The following CSMD1 variants were observed in gnomAD, a reference collection of about 807,000 sequenced individuals.
CSMD1 encodes CUB and Sushi multiple domains 1, also known as CUB and sushi domain-containing protein 1.
CSMD1 carries 213 observed loss-of-function variants against 417.5 expected under a neutral mutation model. The observed-to-expected ratio is 0.51, with a 90% CI of 0.46 to 0.57. CSMD1 has a LOEUF of 0.57. Ranked by LOEUF, CSMD1 falls within the 20% of genes least tolerant of loss-of-function variation. The probability of loss-of-function intolerance (pLI) is 0.00; values close to 1 mark genes in which losing one functional copy is unlikely to be tolerated. For missense variants in CSMD1, 6,923 were observed against 4,529.7 expected (o/e 1.53, Z -15.17); for synonymous variants, 2,862 against 1,736.8 (o/e 1.65, Z -16.11).
chr8:3,136,410 G>A (rs543581175), intron 41 of CSMD1, among the ~76,000 whole-genome samples: 11 of 151,810 alleles, frequency 7.2e-5, no homozygotes, highest in Non-Finnish European at 7.4e-5. Flanking sequence ...GATCACAGGC[G>A]CTCCCCACCA....
chr8:4,914,679 G>T (rs967992372), intron 1 of CSMD1, among the ~76,000 whole-genome samples: 3 of 151,846 alleles, frequency 2.0e-5, no homozygotes, highest in East Asian at 1.9e-4. Context: ...ACACTAATCC[G>T]TGAAAATGAA....
At chr8:4,692,807 T>C (rs889277510) in intron 1 of CSMD1, among the ~76,000 whole-genome samples, 8 of 152,330 alleles carry the variant, frequency 5.3e-5, no homozygotes, top group Admixed American at 5.2e-4. Context: ...ATTCTCAAAT[T>C]TTTAAATTTC....
rs572688244 is a variant in CSMD1 at position 4,631,618 on chromosome 8, C to A, written c.302+5724G>T. The stretch of plus-strand genomic sequence containing the variant: ...AGGTAGGTTTTGTCATGGTGTGTAA[C>A]CTAACTATCCACAATAAAACTGTTT... On this transcript the variant is annotated intron_variant, in intron 2 of 69. Transcript: ENST00000635120. Among the ~76,000 whole-genome samples the A allele has an allele frequency of 7.4e-4, 113 of 152,062 alleles. 1 individual carries two copies. Among genetic ancestry groups the A allele is most frequent in the Non-Finnish European group, 1.4e-3 (96 of 67,960 alleles).
intron 3 of CSMD1, among the ~76,000 whole-genome samples, chr8:4,279,209 C>T (rs1796648374): frequency 6.6e-6 from 1 of 151,946 alleles, no homozygotes; most frequent in South Asian, 2.1e-4. Context: ...TACACACTAA[C>T]ACACACACAC....
intron 1 of CSMD1, among the ~76,000 whole-genome samples, chr8:4,890,111 A>G (rs1420745936): frequency 2.0e-5 from 3 of 152,174 alleles, no homozygotes; most frequent in African/African-American, 7.2e-5. Context: ...AAAGAAAACT[A>G]TTTTATGATG....
intron 54 of CSMD1, among the ~76,000 whole-genome samples, chr8:2,985,535 A>G (rs115573793): frequency 2.0e-5 from 3 of 152,218 alleles, no homozygotes; most frequent in African/African-American, 7.2e-5. Flanking sequence ...TAAATTACAC[A>G]ATGCATAGGC....
At chr8:3,299,520 G>A (rs925765498) in intron 25 of CSMD1, among the ~76,000 whole-genome samples, 1 of 151,940 alleles carries the variant, frequency 6.6e-6, no homozygotes, top group Admixed American at 6.6e-5. Flanking sequence ...AGGCACGTGA[G>A]GAAAAGCACA....
At chr8:4,336,992 G>C (rs908166114) in intron 3 of CSMD1, among the ~76,000 whole-genome samples, 1 of 152,018 alleles carries the variant, frequency 6.6e-6, no homozygotes, top group Non-Finnish European at 1.5e-5. Flanking sequence ...TTTCTTCCCA[G>C]AATGGCTGAC....
intron 1 of CSMD1, among the ~76,000 whole-genome samples, chr8:4,829,384 G>A (rs1435086473): frequency 3.3e-5 from 5 of 152,086 alleles, no homozygotes; most frequent in Non-Finnish European, 7.4e-5. Flanking sequence ...AGCTAAAAAC[G>A]TAGAGATACA....
At chr8:3,877,460 C>T (rs899760585) in intron 5 of CSMD1, among the ~76,000 whole-genome samples, 1 of 152,100 alleles carries the variant, frequency 6.6e-6, no homozygotes. Context: ...TCTAGCAGGC[C>T]CTACAGCTCT....
intron 2 of CSMD1, among the ~76,000 whole-genome samples, chr8:4,590,188 G>C (rs1262328730): frequency 6.6e-6 from 1 of 151,270 alleles, no homozygotes; most frequent in Non-Finnish European, 1.5e-5. Flanking sequence ...TTTTCTTTTA[G>C]ATGAGACCAG....
chr8:3,650,269 C>G (rs1797785249), intron 7 of CSMD1, among the ~76,000 whole-genome samples: 1 of 149,944 alleles, frequency 6.7e-6, no homozygotes, highest in Non-Finnish European at 1.5e-5. Flanking sequence ...CAGAGCAAGA[C>G]TCTTTCTCAG....
At chr8:3,700,355 G>T (rs1800787442) in intron 7 of CSMD1, 1 of 152,094 alleles carries the variant, frequency 6.6e-6, no homozygotes. Context: ...GAAATGAACA[G>T]GGTTACTTTA....
chr8:4,694,199 C>T (rs1398802506), intron 1 of CSMD1, among the ~76,000 whole-genome samples: 3 of 152,258 alleles, frequency 2.0e-5, no homozygotes, highest in Admixed American at 6.5e-5. Flanking sequence ...GAAATAAATG[C>T]GTATCTGATT....
intron 2 of CSMD1, among the ~76,000 whole-genome samples, chr8:4,487,781 A>C (rs1801492260): frequency 6.6e-6 from 1 of 152,054 alleles, no homozygotes; most frequent in Admixed American, 6.6e-5. Flanking sequence ...AAATGTCCTA[A>C]ATATACTTAC....
intron 2 of CSMD1, among the ~76,000 whole-genome samples, chr8:4,476,386 G>C (rs1271651405): frequency 6.6e-6 from 1 of 152,012 alleles, no homozygotes; most frequent in African/African-American, 2.4e-5. Context: ...TTTACATTTT[G>C]GAATTTTGGT....
intron 7 of CSMD1, among the ~76,000 whole-genome samples, chr8:3,658,996 T>C (rs753640304): frequency 1.3e-5 from 2 of 152,220 alleles, no homozygotes; most frequent in Non-Finnish European, 2.9e-5. Flanking sequence ...TGTGTTCTTC[T>C]AAAATACTTC....
intron 2 of CSMD1, among the ~76,000 whole-genome samples, chr8:4,596,017 G>T (rs997083251): frequency 3.9e-5 from 6 of 152,164 alleles, no homozygotes; most frequent in African/African-American, 1.4e-4. Context: ...TCCACCACTT[G>T]AACACTCCCT....
intron 23 of CSMD1, among the ~76,000 whole-genome samples, chr8:3,321,417 A>G (rs1191928125): frequency 2.6e-5 from 4 of 152,126 alleles, no homozygotes; most frequent in African/African-American, 4.8e-5. Flanking sequence ...CCTACCCTGC[A>G]TATTCCTCCT....
Sources: allele counts gnomAD v4.1 joint callset (sites outside exome capture counted in the v4.1 genomes callset), GRCh38; gene constraint gnomAD v4.1.1; transcripts MANE v1.5; gene names NCBI Gene and HGNC (gene_info 2026-07-23, HGNC 2026-07-21).